Variants in CACNA1C observed in about 807,000 individuals in gnomAD.
CACNA1C encodes calcium voltage-gated channel subunit alpha1 C.
A neutral mutation model predicts 229.0 loss-of-function variants in CACNA1C; 30 were observed. The observed-to-expected ratio is 0.13, with a 90% confidence interval of 0.10 to 0.18. The LOEUF (loss-of-function observed/expected upper bound fraction) is 0.18. Ranked by LOEUF, CACNA1C falls within the 10% of genes least tolerant of loss-of-function variation. CACNA1C has a pLI of 1.00. For synonymous variants in CACNA1C, 1,114 were observed against 1,132.5 expected, an observed-to-expected ratio of 0.98 and a Z score of 0.33; for missense variants, 1,658 against 2,845.0, an observed-to-expected ratio of 0.58 and a Z score of 9.49.
chr12:1,984,165 T>C (rs2036959691), intron 1 of CACNA1C, among the ~76,000 whole-genome samples: 1 of 152,104 alleles, frequency 6.6e-6, no homozygotes, highest in African/African-American at 2.4e-5. Flanking sequence ...AGTTAGGCCA[T>C]GCTTTTTTAA....
chr12:2,666,619 C>T lies in CACNA1C; in HGVS notation c.4527-67C>T, dbSNP rs114987339. 2,369 of 998,548 alleles carry T rather than the reference C, an allele frequency of 2.4e-3. 55 individuals carry two copies. In the African/African-American group the frequency reaches 0.034, roughly 14 times the overall value. The allele number at this position is 998,548 out of a possible 1,614,324, so 61.9% of individuals were successfully genotyped here. A position where few individuals can be genotyped will look rare whatever the true frequency, so the allele number is the denominator to read the frequency against. Reference sequence around the variant, plus strand: ...GTGGGCCCTACCCCTCAGGCGCATGCGTCCTGGGCTGCTGGCAGAGACCGT... The same window carrying T: ...GTGGGCCCTACCCCTCAGGCGCATGTGTCCTGGGCTGCTGGCAGAGACCGT... On this transcript the variant is annotated intron_variant, in intron 36 of 46. Transcript: ENST00000399655. This position sits in a 1 kb window ranked among gnomAD's most constrained non-coding sequence, Gnocchi z 5.3.
chr12:2,450,366 A>G (rs548314181), intron 4 of CACNA1C, among the ~76,000 whole-genome samples: 102 of 151,758 alleles, frequency 6.7e-4, no homozygotes, highest in Admixed American at 2.2e-3. Context: ...CATCCTGGCT[A>G]ACACGGTGAA....
intron 29 of CACNA1C, among the ~76,000 whole-genome samples, chr12:2,624,737 CAT>C (rs1037234177): frequency 2.8e-4 from 42 of 152,242 alleles, no homozygotes; most frequent in African/African-American, 9.9e-4. Context: ...AGAACCCACA[CAT>C]AGCCTCAGGC....
At chr12:2,445,736 G>T (rs911407540) in intron 3 of CACNA1C, among the ~76,000 whole-genome samples, 1 of 152,152 alleles carries the variant, frequency 6.6e-6, no homozygotes, top group Non-Finnish European at 1.5e-5. Flanking sequence ...AAAGCAGCCT[G>T]TCAATGAGGA....
intron 11 of CACNA1C, among the ~76,000 whole-genome samples, chr12:2,562,512 C>G (rs747338959): frequency 2.0e-5 from 3 of 152,142 alleles, no homozygotes; most frequent in Non-Finnish European, 4.4e-5. Flanking sequence ...TATTAATAAT[C>G]ACAATCACAG....
intron 7 of CACNA1C, among the ~76,000 whole-genome samples, chr12:2,494,448 G>T (rs768438392): frequency 6.6e-6 from 1 of 152,200 alleles, no homozygotes; most frequent in South Asian, 2.1e-4. Context: ...GAATTTGGGC[G>T]AATAAAGCAT....
At chr12:2,363,626 T>C (rs1400417343) in intron 3 of CACNA1C, among the ~76,000 whole-genome samples, 1 of 152,248 alleles carries the variant, frequency 6.6e-6, no homozygotes, top group African/African-American at 2.4e-5. Context: ...TGCTTCCTGT[T>C]TTCTAGAGCT....
At chr12:2,500,473 T>C (rs1163223228) in intron 7 of CACNA1C, among the ~76,000 whole-genome samples, 2 of 152,130 alleles carry the variant, frequency 1.3e-5, no homozygotes, top group Non-Finnish European at 2.9e-5. Flanking sequence ...TGTGAGGAAC[T>C]AGTGAGGAAA....
chr12:2,081,439 C>T (rs1027036656), intron 1 of CACNA1C, among the ~76,000 whole-genome samples: 3 of 152,048 alleles, frequency 2.0e-5, no homozygotes, highest in Non-Finnish European at 4.4e-5. Flanking sequence ...AGCATATTGG[C>T]GGGCGCCTGT....
intron 1 of CACNA1C, among the ~76,000 whole-genome samples, chr12:2,080,831 A>G (rs1186444419): frequency 1.3e-5 from 2 of 152,196 alleles, no homozygotes; most frequent in African/African-American, 2.4e-5. Flanking sequence ...CATAGAATAC[A>G]GCCCAGATAT....
intron 3 of CACNA1C, among the ~76,000 whole-genome samples, chr12:2,198,312 C>A (rs748770283): frequency 6.6e-6 from 1 of 152,190 alleles, no homozygotes; most frequent in Non-Finnish European, 1.5e-5. Context: ...TCTGCCTCCC[C>A]CCGGAGAGGC....
chr12:2,556,729 G>A (rs1382131607), intron 10 of CACNA1C, among the ~76,000 whole-genome samples: 1 of 152,166 alleles, frequency 6.6e-6, no homozygotes, highest in Non-Finnish European at 1.5e-5. Flanking sequence ...AGCAAGGATT[G>A]TCTATACTTA....
rs114529736 is a variant in CACNA1C at position 2,186,436 on chromosome 12, G to A, written c.477+66006G>A. ...GGCCATGGGCAGGTGGCCGCTGAGGGGGTAAGGGTTCCTTTCAGTGTGAAA... is the reference window on the plus strand; with the variant it reads ...GGCCATGGGCAGGTGGCCGCTGAGGAGGTAAGGGTTCCTTTCAGTGTGAAA... On this transcript the variant is annotated intron_variant, in intron 3 of 46. Transcript: ENST00000399655. Among the ~76,000 whole-genome samples, 130 of 152,318 alleles carry A rather than the reference G, an allele frequency of 8.5e-4. 1 individual carries two copies. The highest frequency in any genetic ancestry group is 3.0e-3 in the African/African-American group (123 of 41,562).
intron 3 of CACNA1C, among the ~76,000 whole-genome samples, chr12:2,382,888 G>A (rs867607444): frequency 6.6e-6 from 1 of 152,136 alleles, no homozygotes; most frequent in Non-Finnish European, 1.5e-5. Flanking sequence ...AGCTGTTCTT[G>A]AGAGTCCCAC....
intron 3 of CACNA1C, among the ~76,000 whole-genome samples, chr12:2,387,511 C>T (rs1364473612): frequency 6.6e-6 from 1 of 151,088 alleles, no homozygotes; most frequent in Admixed American, 6.6e-5. Context: ...AGAAAGAAAG[C>T]AATGACTAAT....
At chr12:2,143,563 C>T (rs547151206) in intron 3 of CACNA1C, among the ~76,000 whole-genome samples, 1 of 151,402 alleles carries the variant, frequency 6.6e-6, no homozygotes, top group East Asian at 1.9e-4. Context: ...CAGTCTCAGG[C>T]ACGGTCAGAG....
chr12:2,078,572 C>T (rs1020155754), intron 1 of CACNA1C, among the ~76,000 whole-genome samples: 6 of 152,092 alleles, frequency 3.9e-5, no homozygotes, highest in African/African-American at 1.2e-4. Flanking sequence ...AAGGGCTGAA[C>T]GAGGGGTGCA....
intron 13 of CACNA1C, among the ~76,000 whole-genome samples, chr12:2,579,046 C>T (rs1487646578): frequency 2.0e-5 from 3 of 152,162 alleles, no homozygotes; most frequent in Non-Finnish European, 4.4e-5. Flanking sequence ...GCCCCCCCAC[C>T]TCACCATCCC....
At chr12:2,424,901 G>A (rs1458059623) in intron 3 of CACNA1C, among the ~76,000 whole-genome samples, 1 of 152,234 alleles carries the variant, frequency 6.6e-6, no homozygotes, top group Admixed American at 6.5e-5. Context: ...CAGTGTCACA[G>A]GGCTGTGGTC....
Sources: allele counts gnomAD v4.1 joint callset (sites outside exome capture counted in the v4.1 genomes callset), GRCh38; gene constraint gnomAD v4.1.1; non-coding constraint Gnocchi (gnomAD v3.1); transcripts MANE v1.5; gene names NCBI Gene and HGNC (gene_info 2026-07-23, HGNC 2026-07-21).